JAKMIP2: variants seen among roughly 807,000 people sequenced by gnomAD.
The protein encoded by JAKMIP2 is janus kinase and microtubule-interacting protein 2.
In JAKMIP2, 25 loss-of-function variants were observed where a neutral mutation model predicts 115.0. The ratio of observed to expected loss-of-function variants is 0.22; its 90% CI spans 0.16 to 0.30. JAKMIP2 has a LOEUF of 0.30. Ranked by LOEUF, JAKMIP2 falls within the 10% of genes least tolerant of loss-of-function variation. The pLI is 1.00. For missense variants in JAKMIP2, 642 were observed against 957.6 expected (o/e 0.67, Z 4.35); for synonymous variants, 334 against 343.6 (o/e 0.97, Z 0.31).
intron 18 of JAKMIP2, among the ~76,000 whole-genome samples, chr5:147,618,635 G>A (rs1342911389): frequency 6.6e-6 from 1 of 152,166 alleles, no homozygotes; most frequent in Non-Finnish European, 1.5e-5. Context: ...CTACTCTGGA[G>A]GCTGAGACAG....
intron 5 of JAKMIP2, 143 bp downstream of exon 5, chr5:147,648,233 T>A: frequency 1.9e-6 from 1 of 536,106 alleles, no homozygotes; most frequent in Non-Finnish European, 3.3e-6. Context: ...TTTTTGAGTG[T>A]GCCACTTTGT....
In JAKMIP2 at chr5:147,614,676, A is replaced by G. The variant is rs111718110; in HGVS notation, c.2347-2305T>C. Among the ~76,000 whole-genome samples, 26 of 152,318 alleles carry G rather than the reference A, an allele frequency of 1.7e-4. 1 individual carries two copies. The highest frequency in any genetic ancestry group is 5.8e-4 in the African/African-American group (24 of 41,574). On this transcript the variant is annotated intron_variant, in intron 19 of 21. Transcript: ENST00000616793. ...TCCCCTGAGTTTAAGCGGGTGGGGAAGAAAAGAAGGAAGAGTTAGTTGAGT... is the reference window on the plus strand; with the variant it reads ...TCCCCTGAGTTTAAGCGGGTGGGGAGGAAAAGAAGGAAGAGTTAGTTGAGT...
chr5:147,636,342 G>C, intron 11 of JAKMIP2, 58 bp from the exon 12 acceptor site: 1 of 1,435,954 alleles, frequency 7.0e-7, no homozygotes, highest in South Asian at 1.2e-5. Context: ...AAGAGCCTGT[G>C]TTGTCAAACC....
At chr5:147,662,512 C>G (rs1759063447) in intron 2 of JAKMIP2, among the ~76,000 whole-genome samples, 1 of 152,142 alleles carries the variant, frequency 6.6e-6, no homozygotes, top group African/African-American at 2.4e-5. Context: ...GTCTCTGATT[C>G]AGTAGATCAG....
Position 147,661,387 on chromosome 5 carries a change from T to G in JAKMIP2, c.188A>C (p.Gln63Pro), listed in dbSNP as rs1350874147. The change falls in exon 3 of 22, where the codon CAG becomes CCG. Residue 63 changes from glutamine (Q) to proline (P), a missense_variant. Transcript: ENST00000616793. Reference sequence around the variant, plus strand: ...TGTCACCAGCACCGTGTGCTTGCGCTGCTCCAGCTCACGAATCCTCTTCGC... The same window carrying G: ...TGTCACCAGCACCGTGTGCTTGCGCGGCTCCAGCTCACGAATCCTCTTCGC... ...QEAKRIRELE[Q>P]RKHTVLVTEL... 6.2e-7 allele frequency: 1 copy of G among 1,614,110 alleles called. No homozygotes were observed. The highest frequency in any genetic ancestry group is 1.1e-5 in the South Asian group (1 of 91,066).
chr5:147,775,136 C>T (rs1207915292), intron 1 of JAKMIP2, among the ~76,000 whole-genome samples: 2 of 152,098 alleles, frequency 1.3e-5, no homozygotes, highest in Non-Finnish European at 2.9e-5. Flanking sequence ...GTTAGACACC[C>T]GTAGAAATCA....
chr5:147,663,777 G>T (rs963913378), intron 2 of JAKMIP2, among the ~76,000 whole-genome samples: 2 of 152,122 alleles, frequency 1.3e-5, no homozygotes, highest in Non-Finnish European at 2.9e-5. Flanking sequence ...GGCACAAGGG[G>T]ATTTGGTGAA....
At chr5:147,707,242 G>T (rs1202823014) in intron 1 of JAKMIP2, among the ~76,000 whole-genome samples, 1 of 152,094 alleles carries the variant, frequency 6.6e-6, no homozygotes, top group East Asian at 1.9e-4. Flanking sequence ...TGAAACCTTA[G>T]GCATGTTTGT....
At chr5:147,618,381 C>T (rs1165908082) in intron 18 of JAKMIP2, among the ~76,000 whole-genome samples, 1 of 136,570 alleles carries the variant, frequency 7.3e-6, no homozygotes, top group African/African-American at 3.5e-5. Flanking sequence ...ATTTTATATA[C>T]TTTTCCTAAC....
intron 1 of JAKMIP2, among the ~76,000 whole-genome samples, chr5:147,675,444 T>C (rs565101296): frequency 6.6e-5 from 10 of 152,242 alleles, no homozygotes; most frequent in African/African-American, 2.2e-4. Context: ...ACTCTAATTT[T>C]ACTGCATCTC....
chr5:147,669,097 A>G (rs1694820217), intron 2 of JAKMIP2, among the ~76,000 whole-genome samples: 1 of 152,134 alleles, frequency 6.6e-6, no homozygotes, highest in African/African-American at 2.4e-5. Flanking sequence ...CTCAGAGCCA[A>G]CCTGAGAGTA....
At chr5:147,679,065 C>T (rs888933132) in intron 1 of JAKMIP2, among the ~76,000 whole-genome samples, 2 of 151,956 alleles carry the variant, frequency 1.3e-5, no homozygotes, top group South Asian at 2.1e-4. Flanking sequence ...ACTGCAACCT[C>T]GGCCTCCCAG....
chr5:147,720,544 A>G (rs1241108048), intron 1 of JAKMIP2, among the ~76,000 whole-genome samples: 4 of 149,494 alleles, frequency 2.7e-5, no homozygotes, highest in Admixed American at 1.3e-4. Flanking sequence ...GGCTTTGCTC[A>G]TTTCTTTTTA....
At position 147,588,887 on chromosome 5, in the gene JAKMIP2, T is replaced by C. The variant is rs1754989930; in HGVS notation, c.*2820A>G. The C allele has an allele frequency of 1.3e-5, 2 of 152,126 alleles. No individual in the cohort carries two copies. The highest frequency in any genetic ancestry group is 4.8e-5 in the African/African-American group (2 of 41,422). The allele number at this position is 152,126 out of a possible 1,614,324, so 9.4% of individuals were successfully genotyped here. A position where few individuals can be genotyped will look rare whatever the true frequency, so the allele number is the denominator to read the frequency against. Reference sequence around the variant, plus strand: ...AATAAATTTTGACTTACAAATTTCTTGGTGGGTGGGAAAGCAAAATTAAGA... The same window carrying C: ...AATAAATTTTGACTTACAAATTTCTCGGTGGGTGGGAAAGCAAAATTAAGA... On this transcript the variant is annotated 3_prime_UTR_variant, in exon 22 of 22. Transcript: ENST00000616793.
chr5:147,629,897 G>C (rs1013311205), intron 14 of JAKMIP2, 151 bp from the exon 15 acceptor site: 3 of 624,254 alleles, frequency 4.8e-6, no homozygotes, highest in African/African-American at 1.8e-5. Context: ...TTTCAATTTT[G>C]CTTCTTACAT....
At chr5:147,614,461 G>T (rs560937855) in intron 19 of JAKMIP2, among the ~76,000 whole-genome samples, 140 of 152,210 alleles carry the variant, frequency 9.2e-4, no homozygotes, top group African/African-American at 3.3e-3. Flanking sequence ...AACCTTGCTG[G>T]ATCTAAAACA....
intron 1 of JAKMIP2, among the ~76,000 whole-genome samples, chr5:147,758,579 A>G (rs1164124461): frequency 4.6e-5 from 7 of 152,096 alleles, no homozygotes; most frequent in African/African-American, 1.7e-4. Flanking sequence ...ACAGTAAATC[A>G]CAAAGAAAAA....
intron 17 of JAKMIP2, among the ~76,000 whole-genome samples, chr5:147,622,023 G>A (rs886323206): frequency 3.3e-5 from 5 of 151,978 alleles, no homozygotes; most frequent in Admixed American, 6.6e-5. Flanking sequence ...ATGTGCCACC[G>A]CGCCCGGCTA....
rs115345686 is a variant in JAKMIP2, at chr5:147,700,575, T to G, written c.-148-28621A>C. On this transcript the variant is annotated intron_variant, in intron 1 of 21. Transcript: ENST00000616793. ...ATATTTGAGGAGATATAACAGCAGC[T>G]TTAGAATTTAGCTGTCTTTAAGTGT... Among the ~76,000 whole-genome samples, 1,284 of 152,280 alleles carry G rather than the reference T, an allele frequency of 8.4e-3. 13 individuals carry two copies. The highest frequency in any genetic ancestry group is 0.011 in the Non-Finnish European group (764 of 68,030).
Sources: allele counts gnomAD v4.1 joint callset (sites outside exome capture counted in the v4.1 genomes callset), GRCh38; gene constraint gnomAD v4.1.1; transcripts MANE v1.5; gene names NCBI Gene and HGNC (gene_info 2026-07-23, HGNC 2026-07-21).